Variants in SHISA7 observed in about 807,000 individuals in gnomAD.
SHISA7 encodes the protein shisa family member 7, also known as protein shisa-7.
A neutral mutation model predicts 23.9 loss-of-function variants in SHISA7; 6 were observed. That is an observed-to-expected ratio of 0.25 (90% CI 0.14 to 0.50). The LOEUF is 0.50. Ranked by LOEUF, SHISA7 falls within the 20% of genes least tolerant of loss-of-function variation. The pLI, the probability that SHISA7 is intolerant of heterozygous loss-of-function variation, is 0.98. For missense variants in SHISA7, 671 were observed against 801.1 expected, an observed-to-expected ratio of 0.84 and a Z score of 1.96; for synonymous variants, 386 against 398.3, an observed-to-expected ratio of 0.97 and a Z score of 0.37.
chr19:55,435,262 TGTGTGTGC>T lies in SHISA7; in HGVS notation c.977-1474_977-1467del, dbSNP rs562537908. Among the ~76,000 whole-genome samples, 900 of 131,050 alleles carry T rather than the reference TGTGTGTGC, an allele frequency of 6.9e-3. 2 individuals carry two copies. The highest frequency in any genetic ancestry group is 0.015 in the South Asian group (60 of 3,898). The allele number at this position is 131,050 out of a possible 152,430, so 86.0% of individuals were successfully genotyped here. On this transcript the variant is annotated intron_variant, in intron 3 of 3. Transcript: ENST00000376325. ...CGTGTGTGCGTGTGTGTGGTGTGTA[TGTGTGTGC>T]GTGTGTGCGTGTGTGTATATGTGGT...
rs376254303 is a variant in SHISA7, at chr19:55,435,157, GGT to G, written c.977-1363_977-1362del. On this transcript the variant is annotated intron_variant, in intron 3 of 3. Coordinates refer to ENST00000376325, the MANE Select transcript of SHISA7 (RefSeq NM_001145176.2). ...GTGTATGTGTATGGTGTGTGTGTGTGGTGTGTGTGTATGGTGTGTGTGGTTGT... is the reference window on the plus strand; with the variant it reads ...GTGTATGTGTATGGTGTGTGTGTGTGGTGTGTGTATGGTGTGTGTGGTTGT... Among the ~76,000 whole-genome samples, 89 of 123,896 alleles carry G rather than the reference GGT, an allele frequency of 7.2e-4. 1 individual carries two copies. The East Asian group carries it at 0.014, about 20-fold the overall frequency. 81.3% of individuals were successfully genotyped at this position (123,896 alleles called of 152,430 possible). A position where few individuals can be genotyped will look rare whatever the true frequency, so the allele number is the denominator to read the frequency against.
In SHISA7 at chr19:55,442,201, G is replaced by T; in HGVS notation, c.663C>A (p.Asn221Lys). 2 of 1,533,392 alleles carry T rather than the reference G, an allele frequency of 1.3e-6. No individual in the cohort carries two copies. Among genetic ancestry groups the T allele is most frequent in the Non-Finnish European group, 1.7e-6 (2 of 1,145,412 alleles). The allele number at this position is 1,533,392 out of a possible 1,614,324, so 95.0% of individuals were successfully genotyped here. A position where few individuals can be genotyped will look rare whatever the true frequency, so the allele number is the denominator to read the frequency against. ...CCCGAGAGCACACGCACCTGGGCAC[G>T]TTGATATCCCGGTGCGCCCGGGGCG... is the stretch of plus-strand genomic sequence containing the variant. ...SRAPRAHRDI[N>K]VPRALVDILR... The change falls in exon 1 of 4, where the codon AAC becomes AAA. Residue 221 changes from asparagine to lysine, a missense_variant. Asn to Lys is a moderately conservative substitution (Grantham distance 94). This residue lies in a region of SHISA7 where 457 missense variants were observed against 488.3 expected (regional missense o/e 0.94). Transcript: ENST00000376325.
Position 55,433,660 on chromosome 19 carries a change from C to T in SHISA7, c.1113G>A (p.Glu371=). 2 of 1,486,926 alleles carry T rather than the reference C, an allele frequency of 1.3e-6. No homozygotes were observed. Among genetic ancestry groups the T allele is most frequent in the Non-Finnish European group, 8.9e-7 (1 of 1,125,960 alleles). The allele number at this position is 1,486,926 out of a possible 1,614,324, so 92.1% of individuals were successfully genotyped here. A position where few individuals can be genotyped will look rare whatever the true frequency, so the allele number is the denominator to read the frequency against. ...GGTTGGGCGCGGGCGCCAGGCCCAG[C>T]TCCTCTGGGCCGCCCCAGGCCTCCA... ...YRMEAWGGPE[E]LGLAPAPNPR... Residue 371 remains glutamate (E), a synonymous_variant, in exon 4 of 4, where the codon GAG becomes GAA. Transcript: ENST00000376325. The surrounding 1 kb of genome is among the most constrained non-coding windows in gnomAD (Gnocchi z 8.4).
rs142238087 is a variant in SHISA7, at chr19:55,436,993, C to T, written c.976+612G>A. Among the ~76,000 whole-genome samples the T allele has an allele frequency of 1.6e-3, 237 of 152,286 alleles. 1 individual carries two copies. The highest frequency in any genetic ancestry group is 5.3e-3 in the African/African-American group (220 of 41,558). On this transcript the variant is annotated intron_variant, in intron 3 of 3. Transcript: ENST00000376325. ...AGATGTTTGAAGGCTGCTCCACTGT[C>T]AGCAATGGGCCACGGACTGCAGAAT...
intron 2 of SHISA7, chr19:55,438,513 G>T (rs1329521360): frequency 1.5e-6 from 2 of 1,296,452 alleles, no homozygotes. Flanking sequence ...CACAAAGGGG[G>T]AAGGGAAGGA....
chr19:55,441,006 G>A (rs1025188203), intron 1 of SHISA7, among the ~76,000 whole-genome samples: 1 of 152,068 alleles, frequency 6.6e-6, no homozygotes, highest in Non-Finnish European at 1.5e-5. Flanking sequence ...CGCTTCTGTG[G>A]TCCCTCTCAC....
chr19:55,434,529 GGT>G lies in SHISA7; in HGVS notation c.977-735_977-734del, dbSNP rs550533179. On this transcript the variant is annotated intron_variant, in intron 3 of 3. Transcript: ENST00000376325. ...GTATGTGGTGTGTGTGTGGTTGTGT[GGT>G]GTGTGTGTGGTTGTGTGTGTATGGT... Among the ~76,000 whole-genome samples the G allele has an allele frequency of 3.5e-3, 452 of 130,028 alleles. 6 individuals carry two copies. Among genetic ancestry groups the G allele is most frequent in the Admixed American group, 0.021 (269 of 12,582 alleles). 85.3% of individuals were successfully genotyped at this position (130,028 alleles called of 152,430 possible).
intron 3 of SHISA7, among the ~76,000 whole-genome samples, chr19:55,435,364 G>GGT (rs140953995): frequency 1.0e-5 from 1 of 99,798 alleles, no homozygotes; most frequent in African/African-American, 3.8e-5. Context: ...GTGTGTGTGT[G>GGT]GTGTGTGTGT....
intron 3 of SHISA7, among the ~76,000 whole-genome samples, chr19:55,435,053 T>G (rs1599872396): frequency 4.6e-5 from 2 of 43,912 alleles, no homozygotes; most frequent in African/African-American, 6.2e-5. Context: ...GTGTGTGTGG[T>G]GTGTGTGTAG....
intron 3 of SHISA7, among the ~76,000 whole-genome samples, chr19:55,435,354 G>T (rs111667561): frequency 0.083 from 7,280 of 87,260 alleles, 337 homozygotes; most frequent in East Asian, 0.32. Context: ...GGTGTGTATG[G>T]TGTGTGTGTG....
rs1199663983 is a variant in SHISA7 at position 55,431,192 on chromosome 19, AGATGATGACACCATGCATCCCTGCAAAT to A, written c.*1936_*1963del. The A allele has an allele frequency of 3.9e-5, 6 of 152,162 alleles. No homozygotes were observed. Among genetic ancestry groups the A allele is most frequent in the African/African-American group, 1.4e-4 (6 of 41,406 alleles). 9.4% of individuals were successfully genotyped at this position (152,162 alleles called of 1,614,324 possible). ...GCACATGGTTGAAGTGGATCCCTGGAGATGATGACACCATGCATCCCTGCAAATGATGATGACACTATTGGGCATCATG... is the reference window on the plus strand; with the variant it reads ...GCACATGGTTGAAGTGGATCCCTGGAGATGATGACACTATTGGGCATCATG... On this transcript the variant is annotated 3_prime_UTR_variant, in exon 4 of 4. Coordinates refer to ENST00000376325, the MANE Select transcript of SHISA7 (RefSeq NM_001145176.2).
chr19:55,435,310 GGTGT>G (rs372126495), intron 3 of SHISA7, among the ~76,000 whole-genome samples: 2 of 126,230 alleles, frequency 1.6e-5, no homozygotes, highest in Non-Finnish European at 3.2e-5. Context: ...GTGTATATGT[GGTGT>G]GTGTGTGGGT....
intron 2 of SHISA7, chr19:55,438,548 C>A: frequency 7.7e-7 from 1 of 1,304,214 alleles, no homozygotes; most frequent in Non-Finnish European, 1.0e-6. Context: ...CGCAGCCGGG[C>A]CCTCTTCCGC....
At chr19:55,435,366 T>TGTTTTTGTG in intron 3 of SHISA7, among the ~76,000 whole-genome samples, 1 of 98,586 alleles carries the variant, frequency 1.0e-5, no homozygotes, top group East Asian at 3.9e-4. Context: ...GTGTGTGTGG[T>TGTTTTTGTG]GTGTGTGTGG....
chr19:55,434,760 GT>G (rs1447994912), intron 3 of SHISA7, among the ~76,000 whole-genome samples: 14 of 118,012 alleles, frequency 1.2e-4, no homozygotes, highest in African/African-American at 4.6e-4. Flanking sequence ...TGTGTGGTGT[GT>G]GTGGTGTGTG....
intron 3 of SHISA7, among the ~76,000 whole-genome samples, chr19:55,434,595 TGTG>T (rs1985337120): frequency 8.6e-6 from 1 of 116,518 alleles, no homozygotes; most frequent in Non-Finnish European, 1.8e-5. Context: ...GTGGTGTGTG[TGTG>T]GTGTGGGTGT....
At chr19:55,437,801 G>A (rs776072963) in intron 2 of SHISA7, 47 bp from the exon 3 acceptor site, 4 of 1,524,076 alleles carry the variant, frequency 2.6e-6, no homozygotes, top group Non-Finnish European at 3.5e-6. Context: ...TCCTCCCTCA[G>A]ACCCAGGAGT....
intron 3 of SHISA7, 147 bp downstream of exon 3, chr19:55,437,458 C>A (rs1190924858): frequency 1.9e-6 from 2 of 1,055,742 alleles, no homozygotes; most frequent in Non-Finnish European, 2.6e-6. Flanking sequence ...AAAAGTACCA[C>A]AGGTAATTCC....
At chr19:55,435,307 TGTG>T (rs1236020219) in intron 3 of SHISA7, among the ~76,000 whole-genome samples, 3 of 129,704 alleles carry the variant, frequency 2.3e-5, no homozygotes, top group Non-Finnish European at 4.8e-5. Flanking sequence ...TGTGTGTATA[TGTG>T]GTGTGTGTGT....
Sources: gnomAD v4.1 joint callset for allele counts (sites outside exome capture counted in the v4.1 genomes callset) on GRCh38, gnomAD v4.1.1 for gene constraint, gnomAD v4.1.1 regional missense constraint, Gnocchi (gnomAD v3.1) non-coding constraint, MANE v1.5 for transcripts, NCBI Gene and HGNC (gene_info 2026-07-23, HGNC 2026-07-21) for gene names.